The following MEP1A variants were observed in gnomAD, a reference collection of about 807,000 sequenced individuals.
MEP1A encodes meprin A subunit alpha.
A neutral mutation model predicts 84.5 loss-of-function variants in MEP1A; 68 were observed. The observed-to-expected ratio is 0.80, with a 90% confidence interval of 0.66 to 0.98. The LOEUF is 0.98. Among genes scored for constraint, MEP1A ranks in the 50% least tolerant of loss-of-function variants. The pLI is 0.00. For missense variants in MEP1A, 887 were observed against 919.9 expected, an observed-to-expected ratio of 0.96 and a Z score of 0.46; for synonymous variants, 337 against 336.8, an observed-to-expected ratio of 1.00 and a Z score of -0.01.
chr6:46,813,092 C>A (rs919429859), intron 6 of MEP1A, among the ~76,000 whole-genome samples: 3 of 151,884 alleles, frequency 2.0e-5, no homozygotes, highest in African/African-American at 7.2e-5. Flanking sequence ...TATTGTGTTG[C>A]CATCCACCTC....
Position 46,834,407 on chromosome 6 carries a change from A to AT in MEP1A, c.1610-164dup, listed in dbSNP as rs937193566. 2.0e-5 allele frequency among the ~76,000 whole-genome samples: 3 copies of AT among 150,836 alleles called. No individual in the cohort carries two copies. In the East Asian group the frequency reaches 5.8e-4, roughly 29 times the overall value. ...TCTCCTGGAAATAGTAAATAGCCTA[A>AT]TTTTTTTCCAACACTTTTTTTATTT... On this transcript the variant is annotated intron_variant, in intron 11 of 13. Transcript: ENST00000230588.
chr6:46,834,809 T>G (rs1373980232), intron 12 of MEP1A, 58 bp downstream of exon 12: 12 of 1,361,326 alleles, frequency 8.8e-6, no homozygotes, highest in Non-Finnish European at 1.1e-5. Context: ...TCTACTGATT[T>G]TATCCTGATT....
At chr6:46,822,737 G>A (rs779633771) in intron 7 of MEP1A, among the ~76,000 whole-genome samples, 2 of 152,204 alleles carry the variant, frequency 1.3e-5, no homozygotes, top group Non-Finnish European at 2.9e-5. Flanking sequence ...TAGAGATGGG[G>A]TTTCACCATG....
chr6:46,837,955 G>A (rs1425531985), intron 13 of MEP1A, among the ~76,000 whole-genome samples: 4 of 150,652 alleles, frequency 2.7e-5, no homozygotes, highest in Non-Finnish European at 4.4e-5. Flanking sequence ...GCAATGGCAC[G>A]ATTTCAGCTC....
At chr6:46,797,481 A>T (rs1198130016) in intron 3 of MEP1A, among the ~76,000 whole-genome samples, 1 of 152,224 alleles carries the variant, frequency 6.6e-6, no homozygotes, top group Non-Finnish European at 1.5e-5. Flanking sequence ...CTGAGAACAG[A>T]TGTTTGGAGA....
intron 9 of MEP1A, among the ~76,000 whole-genome samples, chr6:46,827,578 C>A (rs957580941): frequency 6.6e-6 from 1 of 152,158 alleles, no homozygotes; most frequent in East Asian, 1.9e-4. Context: ...AGATTCCCTT[C>A]CCAGAAGGAA....
chr6:46,835,636 G>A, intron 13 of MEP1A, 87 bp downstream of exon 13: 2 of 1,390,372 alleles, frequency 1.4e-6, no homozygotes, highest in East Asian at 2.4e-5. Flanking sequence ...TGTTTGCAGA[G>A]TAGGGCGAAG....
chr6:46,829,369 C>G lies in MEP1A; in HGVS notation c.942C>G (p.Phe314Leu). 2 of 1,613,410 alleles carry G rather than the reference C, an allele frequency of 1.2e-6. No homozygotes were observed. The highest frequency in any genetic ancestry group is 1.7e-6 in the Non-Finnish European group (2 of 1,179,990). The change falls in exon 10 of 14, where the codon TTC becomes TTG. Residue 314 changes from phenylalanine (F) to leucine (L), a missense_variant. Physicochemically the swap from Phe to Leu is conservative, Grantham distance 22 (BLOSUM62 0). Transcript: ENST00000230588. ...CTCTTTCCATAGGTGCCGGCTACTT[C>G]ATGCAGTTCAGCACCAGCTCGGGGT... ...LLGQCTGAGY[F>L]MQFSTSSGSA... is the part of the protein sequence containing the mutation.
At chr6:46,842,097 G>A (rs1353168828), downstream of MEP1A, among the ~76,000 whole-genome samples, 1 of 152,072 alleles carries the variant, frequency 6.6e-6, no homozygotes, top group Non-Finnish European at 1.5e-5. Flanking sequence ...AATTTCTTAT[G>A]TCTGTCTTTA....
rs140302386 is a variant in MEP1A, at chr6:46,815,657, A to C, written c.381-3872A>C. 1.6e-4 allele frequency among the ~76,000 whole-genome samples: 25 copies of C among 151,740 alleles called. No individual in the cohort carries two copies. The East Asian group carries it at 4.9e-3, about 30-fold the overall frequency. ...TTCCTGCAGTAGTTCTCGGAGCAAA[A>C]ATTCATGATGTGAGTCTCCCTACAC... On this transcript the variant is annotated intron_variant, in intron 6 of 13. Coordinates refer to ENST00000230588, the MANE Select transcript of MEP1A (RefSeq NM_005588.3).
intron 10 of MEP1A, among the ~76,000 whole-genome samples, chr6:46,830,047 A>G (rs1037151883): frequency 2.0e-5 from 3 of 152,032 alleles, no homozygotes; most frequent in Admixed American, 6.5e-5. Flanking sequence ...CAGGAGATTG[A>G]GATCATCCTG....
intron 3 of MEP1A, among the ~76,000 whole-genome samples, chr6:46,794,836 T>C (rs1767015546): frequency 6.6e-6 from 1 of 152,178 alleles, no homozygotes; most frequent in Non-Finnish European, 1.5e-5. Flanking sequence ...GAATTAGAGT[T>C]TTTCTAATCT....
At chr6:46,822,449 C>T (rs539050513) in intron 7 of MEP1A, among the ~76,000 whole-genome samples, 6 of 152,146 alleles carry the variant, frequency 3.9e-5, no homozygotes, top group Non-Finnish European at 8.8e-5. Context: ...ATGTTGAATA[C>T]ATTTTCAAAT....
intron 2 of MEP1A, 38 bp from the exon 3 acceptor site, chr6:46,793,628 G>T (rs754557519): frequency 3.2e-6 from 5 of 1,582,690 alleles, no homozygotes; most frequent in South Asian, 2.3e-5. Context: ...TTTTCCTTCG[G>T]CAAGACTAAT....
intron 7 of MEP1A, among the ~76,000 whole-genome samples, chr6:46,823,926 A>G (rs919380436): frequency 2.6e-5 from 4 of 152,164 alleles, no homozygotes; most frequent in Non-Finnish European, 5.9e-5. Context: ...TGATAGGAAA[A>G]TAAGTTTTCT....
chr6:46,819,879 A>ATCAAAT (rs796152142), intron 7 of MEP1A, among the ~76,000 whole-genome samples, 175 bp downstream of exon 7: 16 of 152,330 alleles, frequency 1.1e-4, no homozygotes, highest in African/African-American at 3.6e-4. Context: ...ACCGGAATTC[A>ATCAAAT]TCGCAGATAA....
At position 46,799,157 on chromosome 6, in the gene MEP1A, C is replaced by G; in HGVS notation, c.238C>G (p.Pro80Ala). The G allele has an allele frequency of 1.2e-6, 2 of 1,611,770 alleles. No individual in the cohort carries two copies. Among genetic ancestry groups the G allele is most frequent in the East Asian group, 4.5e-5 (2 of 44,844 alleles). The change falls in exon 5 of 14, where the codon CCT becomes GCT. Residue 80 changes from proline to alanine, a missense_variant. Transcript: ENST00000230588. Reference protein sequence around the residue: ...DPNTRWTFPIPYILADNLGLN... With the variant: ...DPNTRWTFPIAYILADNLGLN... ...AAACACCAGGTGGACGTTCCCCATT[C>G]CTTACATCTTGGCTGATAATTTGGG...
chr6:46,820,951 G>A (rs1276362378), intron 7 of MEP1A, among the ~76,000 whole-genome samples: 1 of 152,158 alleles, frequency 6.6e-6, no homozygotes, highest in Non-Finnish European at 1.5e-5. Flanking sequence ...ATAGCCTTGT[G>A]TAGGTATCTG....
intron 3 of MEP1A, 86 bp downstream of exon 3, chr6:46,793,802 G>A (rs567484113): frequency 1.9e-5 from 18 of 937,814 alleles, no homozygotes; most frequent in Non-Finnish European, 1.6e-6. Flanking sequence ...TCCTAATACT[G>A]TATTGTGATT....
Sources: gnomAD v4.1 joint callset for allele counts (sites outside exome capture counted in the v4.1 genomes callset) on GRCh38, gnomAD v4.1.1 for gene constraint, MANE v1.5 for transcripts, NCBI Gene and HGNC (gene_info 2026-07-23, HGNC 2026-07-21) for gene names.